The following FLT3 variants were observed in gnomAD, a reference collection of about 807,000 sequenced individuals.
FLT3 encodes the protein receptor-type tyrosine-protein kinase FLT3.
Under a neutral mutation model 126.6 loss-of-function variants are expected in FLT3, and 46 were observed. The observed-to-expected ratio is 0.36, with a 90% CI of 0.29 to 0.46. The LOEUF (loss-of-function observed/expected upper bound fraction) is 0.46, where lower values mean the gene tolerates loss of function less well. Among genes scored for constraint, FLT3 ranks in the 20% least tolerant of loss-of-function variants. FLT3 has a pLI of 1.00. For missense variants in FLT3, 1,069 were observed against 1,190.3 expected (o/e 0.90, Z 1.50); for synonymous variants, 404 against 434.4 (o/e 0.93, Z 0.87).
In FLT3 at chr13:28,075,650, G is replaced by A. The variant is rs537791704; in HGVS notation, c.44-5038C>T. Among the ~76,000 whole-genome samples, 26 of 151,538 alleles carry A rather than the reference G, an allele frequency of 1.7e-4. No homozygotes were observed. In the East Asian group the frequency reaches 4.4e-3, roughly 25 times the overall value. ...TGAGGCAGAAGAATCACTTCAACCT[G>A]GGAGGTAGAGGTTGCAGTGAGCAGG... On this transcript the variant is annotated intron_variant, in intron 1 of 23. Coordinates refer to ENST00000241453, the MANE Select transcript of FLT3 (RefSeq NM_004119.3).
At chr13:28,088,400 A>G (rs75651252) in intron 1 of FLT3, among the ~76,000 whole-genome samples, 5 of 151,232 alleles carry the variant, frequency 3.3e-5, no homozygotes, top group Non-Finnish European at 7.4e-5. Context: ...TGATTCTCAC[A>G]CCTCAGCCTC....
At position 28,062,016 on chromosome 13, in the gene FLT3, C is replaced by A. The variant is rs1566091216; in HGVS notation, c.219G>T (p.Gly73=). 6.2e-7 allele frequency: 1 copy of A among 1,613,124 alleles called. No individual in the cohort carries two copies. The highest frequency in any genetic ancestry group is 8.5e-7 in the Non-Finnish European group (1 of 1,180,012). Residue 73 remains glycine (G), a synonymous_variant, in exon 3 of 24, where the codon GGG becomes GGT. Transcript: ENST00000241453. ...LGCALRPQSS[G]TVYEAAAVEV... is the part of the protein sequence containing the mutation. ...CCACAGCGGCAGCTTCGTACACTGT[C>A]CCTGAGCTCTGGGGTCTCAACGCAC...
At chr13:28,057,933 G>A (rs1388868244) in intron 3 of FLT3, among the ~76,000 whole-genome samples, 1 of 151,842 alleles carries the variant, frequency 6.6e-6, no homozygotes, top group Non-Finnish European at 1.5e-5. Flanking sequence ...CAGCTACTCA[G>A]GACACTGAGG....
chr13:28,053,572 T>C (rs1875740759), intron 4 of FLT3, among the ~76,000 whole-genome samples: 1 of 152,090 alleles, frequency 6.6e-6, no homozygotes, highest in Non-Finnish European at 1.5e-5. Context: ...TCCTGAATTT[T>C]GTTGATTATT....
At chr13:28,031,784 G>A (rs1253238347) in intron 15 of FLT3, among the ~76,000 whole-genome samples, 2 of 152,292 alleles carry the variant, frequency 1.3e-5, no homozygotes, top group Non-Finnish European at 2.9e-5. Flanking sequence ...CTGGGGTGCC[G>A]AGAGCAAGAG....
intron 20 of FLT3, 108 bp downstream of exon 20, chr13:28,018,359 G>T (rs2137621578): frequency 1.6e-6 from 2 of 1,282,278 alleles, no homozygotes; most frequent in Non-Finnish European, 2.2e-6. Flanking sequence ...AGGGTTTTTT[G>T]ATGTTACCAT....
At chr13:28,094,873 A>G (rs1879358628) in intron 1 of FLT3, among the ~76,000 whole-genome samples, 1 of 152,234 alleles carries the variant, frequency 6.6e-6, no homozygotes, top group African/African-American at 2.4e-5. Context: ...GAGTCAAATT[A>G]GTGACCAGTA....
At position 28,024,913 on chromosome 13, in the gene FLT3, G is replaced by A. The variant is rs537678377; in HGVS notation, c.2238C>T (p.His746=). 3.1e-6 allele frequency: 5 copies of A among 1,611,870 alleles called. No individual in the cohort carries two copies. In the South Asian group the frequency reaches 4.4e-5, roughly 14 times the overall value. ...GCCCTGAGATTTGATCCGAGTCCGG[G>A]TGTATCTGAACTTCTCTTGAACCAG... The part of the protein sequence containing the change: ...SMPGSREVQI[H]PDSDQISGLH... Residue 746 remains histidine, a synonymous_variant, in exon 18 of 24, where the codon CAC becomes CAT. Transcript: ENST00000241453.
rs149370695 is a variant in FLT3, at chr13:28,070,560, C to G, written c.96G>C (p.Val32=). 749 of 1,604,240 alleles carry G rather than the reference C, an allele frequency of 4.7e-4. 4 individuals are homozygous for G. In the African/African-American group the frequency reaches 5.8e-3, roughly 12 times the overall value. The change falls in exon 2 of 24, where the codon GTG becomes GTC. Residue 32 remains valine, a synonymous_variant. Transcript: ENST00000241453. Reference sequence around the variant, plus strand: ...TATGATTGATTAAAACACACTTGATCACAGGCAGATCTTGATTTGTAATAG... The same window carrying G: ...TATGATTGATTAAAACACACTTGATGACAGGCAGATCTTGATTTGTAATAG... ...FGTITNQDLP[V]IKCVLINHKN... is the part of the protein sequence containing the mutation.
chr13:28,010,626 C>T (rs1440516039), intron 23 of FLT3, among the ~76,000 whole-genome samples: 1 of 152,186 alleles, frequency 6.6e-6, no homozygotes, highest in South Asian at 2.1e-4. Flanking sequence ...GACATAAAAG[C>T]CTTAACCTAT....
At chr13:28,030,716 A>C (rs1012922276) in intron 15 of FLT3, among the ~76,000 whole-genome samples, 8 of 152,184 alleles carry the variant, frequency 5.3e-5, no homozygotes, top group African/African-American at 1.9e-4. Flanking sequence ...AAAATAAAAT[A>C]AAGTAAAAAT....
At chr13:28,063,932 C>T (rs1034282842) in intron 2 of FLT3, among the ~76,000 whole-genome samples, 1 of 152,050 alleles carries the variant, frequency 6.6e-6, no homozygotes. Flanking sequence ...CACCCAAGTC[C>T]AGTAATTGAG....
In FLT3 at chr13:28,027,221, C is replaced by A; in HGVS notation, c.2074G>T (p.Glu692Ter). 6.2e-7 allele frequency: 1 copy of A among 1,610,168 alleles called. No homozygotes were observed. The highest frequency in any genetic ancestry group is 1.1e-5 in the South Asian group (1 of 90,078). The part of the protein sequence containing the change: ...TLSGPIYLIF[E>*]YCCYGDLLNY... The stretch of plus-strand genomic sequence containing the variant: ...AGAAGATCACCATAGCAACAGTATT[C>A]AAAAATCAAGTAAATTGGTCCTGAA... The change falls in exon 17 of 24, where the codon GAA becomes TAA. Residue 692 changes from glutamate (E) to a stop codon, truncating the protein, a stop_gained. Transcript: ENST00000241453. LOFTEE classifies it high-confidence loss of function.
At chr13:28,096,806 C>G (rs1444115324) in intron 1 of FLT3, among the ~76,000 whole-genome samples, 1 of 152,072 alleles carries the variant, frequency 6.6e-6, no homozygotes, top group Admixed American at 6.6e-5. Context: ...AGAAAGCATA[C>G]TGAAATACTT....
At chr13:28,072,916 A>G (rs1877646540) in intron 1 of FLT3, among the ~76,000 whole-genome samples, 1 of 151,876 alleles carries the variant, frequency 6.6e-6, no homozygotes, top group Admixed American at 6.6e-5. Context: ...GAGGCAGGAG[A>G]ATAGCGTAAA....
chr13:28,056,912 T>C (rs1362857550), intron 4 of FLT3, among the ~76,000 whole-genome samples: 1 of 152,214 alleles, frequency 6.6e-6, no homozygotes, highest in East Asian at 1.9e-4. Context: ...TGGATCACGC[T>C]GAGACCTTCC....
chr13:28,057,577 A>C, intron 3 of FLT3, 115 bp from the exon 4 acceptor site: 1 of 650,520 alleles, frequency 1.5e-6, no homozygotes, highest in South Asian at 1.7e-5. Flanking sequence ...CTGGCACGGA[A>C]GCCGCTCTGT....
intron 1 of FLT3, among the ~76,000 whole-genome samples, chr13:28,077,653 T>C (rs1427030029): frequency 6.6e-6 from 1 of 152,164 alleles, no homozygotes; most frequent in Non-Finnish European, 1.5e-5. Flanking sequence ...AAATCTCATG[T>C]CCTGACATTC....
intron 9 of FLT3, among the ~76,000 whole-genome samples, chr13:28,038,744 C>T (rs544933498): frequency 2.6e-5 from 4 of 152,230 alleles, no homozygotes; most frequent in Non-Finnish European, 2.9e-5. Context: ...TGAGCCACTG[C>T]GCCCAGCCTA....
Sources: gnomAD v4.1 joint callset for allele counts (sites outside exome capture counted in the v4.1 genomes callset) on GRCh38, gnomAD v4.1.1 for gene constraint, MANE v1.5 for transcripts, NCBI Gene and HGNC (gene_info 2026-07-23, HGNC 2026-07-21) for gene names.